Variants in ARHGAP45 observed in about 807,000 individuals in gnomAD.
ARHGAP45 encodes Rho GTPase activating protein 45.
Under a neutral mutation model 116.1 loss-of-function variants are expected in ARHGAP45, and 56 were observed. That is an observed-to-expected ratio of 0.48 (90% CI 0.39 to 0.60). The LOEUF is 0.60. ARHGAP45 is among the 20% of genes least tolerant of loss of function. The probability of loss-of-function intolerance (pLI) is 0.00; values close to 1 mark genes in which losing one functional copy is unlikely to be tolerated. For synonymous variants in ARHGAP45, 866 were observed against 701.7 expected, an observed-to-expected ratio of 1.23 and a Z score of -3.70; for missense variants, 1,622 against 1,601.0, an observed-to-expected ratio of 1.01 and a Z score of -0.22.
Position 1,068,839 on chromosome 19 carries a change from G to T in ARHGAP45, c.421+95G>T. 8.1e-7 allele frequency: 1 copy of T among 1,230,260 alleles called. No individual in the cohort carries two copies. Among genetic ancestry groups the T allele is most frequent in the Non-Finnish European group, 1.2e-6 (1 of 857,944 alleles). 76.2% of individuals were successfully genotyped at this position (1,230,260 alleles called of 1,614,324 possible). On this transcript the variant is annotated intron_variant, in intron 2 of 22. Coordinates refer to ENST00000313093, the MANE Select transcript of ARHGAP45 (RefSeq NM_012292.5). The surrounding 1 kb of genome is among the most constrained non-coding windows in gnomAD (Gnocchi z 7.5). The stretch of plus-strand genomic sequence containing the variant: ...GACTTGGGGAGGCTCAGAAGGGAGG[G>T]AGGCTCAGATGGCAGGGAGGGCTGT...
intron 10 of ARHGAP45, 183 bp from the exon 11 acceptor site, chr19:1,077,674 C>A (rs2043290189): frequency 6.2e-6 from 9 of 1,459,668 alleles, no homozygotes; most frequent in Non-Finnish European, 8.2e-6. Flanking sequence ...ACGTGAGCCA[C>A]CGCGCCCGGC....
In ARHGAP45 at chr19:1,086,104, C is replaced by A; in HGVS notation, c.*98C>A. 4 of 1,141,794 alleles carry A rather than the reference C, an allele frequency of 3.5e-6. No individual in the cohort carries two copies. The highest frequency in any genetic ancestry group is 5.0e-6 in the Non-Finnish European group (4 of 805,430). 70.7% of individuals were successfully genotyped at this position (1,141,794 alleles called of 1,614,324 possible). On this transcript the variant is annotated 3_prime_UTR_variant, in exon 23 of 23. Coordinates refer to ENST00000313093, the MANE Select transcript of ARHGAP45 (RefSeq NM_012292.5). The stretch of plus-strand genomic sequence containing the variant: ...CACGGCATAGCTTAGGTGCGCCGTC[C>A]TGGGGTCGCTGCCGAGAGCGCCTGG...
intron 10 of ARHGAP45, 77 bp from the exon 11 acceptor site, chr19:1,077,780 G>C (rs762215016): frequency 1.3e-6 from 2 of 1,546,176 alleles, no homozygotes; most frequent in Non-Finnish European, 1.7e-6. Flanking sequence ...GGGGTGGGGA[G>C]GAAAGGAGGA....
In ARHGAP45 at chr19:1,085,980, A is replaced by C. The variant is rs1329966443; in HGVS notation, c.3385A>C (p.Arg1129=). 10 of 1,612,430 alleles carry C rather than the reference A, an allele frequency of 6.2e-6. No individual in the cohort carries two copies. Among genetic ancestry groups the C allele is most frequent in the African/African-American group, 1.3e-5 (1 of 74,908 alleles). Residue 1129 remains arginine, a synonymous_variant, in exon 23 of 23, where the codon AGG becomes CGG. Transcript: ENST00000313093. The stretch of plus-strand genomic sequence containing the variant: ...CGGGCGGATGACACTGGGCTCCTGC[A>C]GGGAAAGGCAGCCGGAATTCGTGTG... The part of the protein sequence containing the change: ...RGGRMTLGSC[R]ERQPEFV
At chr19:1,067,917 T>C (rs910675141) in intron 1 of ARHGAP45, among the ~76,000 whole-genome samples, 5 of 102,052 alleles carry the variant, frequency 4.9e-5, no homozygotes, top group South Asian at 6.9e-4. Flanking sequence ...GGTTCAGAGG[T>C]TGGGGAGTGT....
rs371482854 is a variant in ARHGAP45 at position 1,078,418 on chromosome 19, T to C, written c.1374+373T>C. Among the ~76,000 whole-genome samples the C allele has an allele frequency of 1.7e-3, 254 of 146,902 alleles. 1 individual carries two copies. The highest frequency in any genetic ancestry group is 5.2e-3 in the African/African-American group (206 of 39,706). Reference sequence around the variant, plus strand: ...TCGGCCTCCCAAAGTGCTGGGATTATAGGCATGAGCCACTGCGCCCGGCCA... The same window carrying C: ...TCGGCCTCCCAAAGTGCTGGGATTACAGGCATGAGCCACTGCGCCCGGCCA... On this transcript the variant is annotated intron_variant, in intron 11 of 22. Coordinates refer to ENST00000313093, the MANE Select transcript of ARHGAP45 (RefSeq NM_012292.5).
intron 22 of ARHGAP45, 84 bp downstream of exon 22, chr19:1,084,430 C>G (rs1452918495): frequency 9.5e-7 from 1 of 1,049,568 alleles, no homozygotes; most frequent in Non-Finnish European, 1.4e-6. Flanking sequence ...TAGTTGTACA[C>G]ACGTGGCAGG....
rs749966750 is a variant in ARHGAP45 at position 1,073,527 on chromosome 19, A to G, written c.587A>G (p.Asn196Ser). Residue 196 changes from asparagine (N) to serine (S), a missense_variant, in exon 4 of 23, where the codon AAT becomes AGT. Asn to Ser is a conservative substitution (Grantham distance 46). Coordinates refer to ENST00000313093, the MANE Select transcript of ARHGAP45 (RefSeq NM_012292.5). ...CCAGCCTTCCATTATGAGAGCAACA[A>G]TGATCTGGAGAAACAGGAGTTCGAG... ...KVKAFHYESN[N>S]DLEKQEFEKA... 1 of 1,613,882 alleles carries G rather than the reference A, an allele frequency of 6.2e-7. No individual in the cohort carries two copies. Among genetic ancestry groups the G allele is most frequent in the Admixed American group, 1.7e-5 (1 of 60,000 alleles).
At position 1,069,941 on chromosome 19, in the gene ARHGAP45, C is replaced by T. The variant is rs544448899; in HGVS notation, c.421+1197C>T. ...AAGCCATCCTCCTACCTCTGCCTCC[C>T]GAGTACCTGAGACTACAGGCATGAG... is the stretch of plus-strand genomic sequence containing the variant. On this transcript the variant is annotated intron_variant, in intron 2 of 22. Transcript: ENST00000313093. This position sits in a 1 kb window ranked among gnomAD's most constrained non-coding sequence, Gnocchi z 4.1. Among the ~76,000 whole-genome samples, 1 of 152,126 alleles carries T rather than the reference C, an allele frequency of 6.6e-6. No individual in the cohort carries two copies. The highest frequency in any genetic ancestry group is 1.9e-4 in the East Asian group (1 of 5,184).
At chr19:1,067,524 C>G in intron 1 of ARHGAP45, 29 bp downstream of exon 1, 1 of 1,560,404 alleles carries the variant, frequency 6.4e-7, no homozygotes, top group Non-Finnish European at 8.7e-7. Flanking sequence ...AGACCCGGAG[C>G]TGACGCCGGG....
intron 22 of ARHGAP45, 119 bp from the exon 23 acceptor site, chr19:1,085,541 G>GTCTCTCCCCATCTCTCCTT: frequency 9.0e-6 from 6 of 666,466 alleles, no homozygotes; most frequent in Non-Finnish European, 1.5e-5. Context: ...CATCTCTCCT[G>GTCTCTCCCCATCTCTCCTT]TCTCTCCATC....
Position 1,082,926 on chromosome 19 carries a change from G to T in ARHGAP45, c.2604G>T (p.Lys868Asn), listed in dbSNP as rs1392479914. The T allele has an allele frequency of 1.3e-6, 2 of 1,591,754 alleles. No homozygotes were observed. Among genetic ancestry groups the T allele is most frequent in the South Asian group, 2.3e-5 (2 of 88,436 alleles). Residue 868 changes from lysine to asparagine, a missense_variant, in exon 20 of 23, where the codon AAG (lysine) becomes AAT (asparagine). Around this residue, in one of 3 missense-constraint regions of ARHGAP45, gnomAD observed 1,334 missense variants for 1,263.8 expected, o/e 1.06. Coordinates refer to ENST00000313093, the MANE Select transcript of ARHGAP45 (RefSeq NM_012292.5). The stretch of plus-strand genomic sequence containing the variant: ...GCCTGAAGGCAGAGGCCGAGGCCAA[G>T]GCGGCGTCCCGGGGCCGGCAGGACG... ...KDSLKAEAEA[K>N]AASRGRQDGS...
At position 1,083,309 on chromosome 19, in the gene ARHGAP45, G is replaced by A. The variant is rs972271366; in HGVS notation, c.2911G>A (p.Gly971Ser). ...RVIETLIVHY[G>S]LVFEEEPEET... ...CATCGAGACTCTCATCGTCCACTACGGCCTGGTCTTCGAGGAGGAGCCGGA... is the reference window on the plus strand; with the variant it reads ...CATCGAGACTCTCATCGTCCACTACAGCCTGGTCTTCGAGGAGGAGCCGGA... Residue 971 changes from glycine to serine, a missense_variant, in exon 21 of 23, where the codon GGC becomes AGC. By Grantham distance (56) the Gly-to-Ser change is moderately conservative. Coordinates refer to ENST00000313093, the MANE Select transcript of ARHGAP45 (RefSeq NM_012292.5). 1.5e-5 allele frequency: 24 copies of A among 1,572,958 alleles called. No homozygotes were observed. Among genetic ancestry groups the A allele is most frequent in the East Asian group, 4.7e-5 (2 of 42,888 alleles).
chr19:1,081,585 G>A lies in ARHGAP45; in HGVS notation c.2226G>A (p.Thr742=), dbSNP rs866668484. Reference sequence around the variant, plus strand: ...CCTGCCACAAGAAATGTCTGGAGACGCTGGCCATACAGTGCGGGCACAAGA... The same window carrying A: ...CCTGCCACAAGAAATGTCTGGAGACACTGGCCATACAGTGCGGGCACAAGA... ...CLACHKKCLE[T]LAIQCGHKKL... The change falls in exon 18 of 23, where the codon ACG becomes ACA. Residue 742 remains threonine (T), a synonymous_variant. Transcript: ENST00000313093. 5.3e-6 allele frequency: 8 copies of A among 1,506,740 alleles called. 1 individual carries two copies. The Middle Eastern group carries it at 7.2e-4, about 135-fold the overall frequency. The allele number at this position is 1,506,740 out of a possible 1,614,324, so 93.3% of individuals were successfully genotyped here.
At chr19:1,070,631 G>A (rs1159025959) in intron 2 of ARHGAP45, among the ~76,000 whole-genome samples, 1 of 151,866 alleles carries the variant, frequency 6.6e-6, no homozygotes, top group African/African-American at 2.4e-5. Context: ...ACAGGCGTGA[G>A]CCATCGCGCC....
chr19:1,079,664 G>C (rs778386326), intron 11 of ARHGAP45, 39 bp from the exon 12 acceptor site: 1 of 1,608,462 alleles, frequency 6.2e-7, no homozygotes. Context: ...CTGCACCCCG[G>C]GCTGAGGCCT....
chr19:1,078,947 G>A (rs1450696965), intron 11 of ARHGAP45, among the ~76,000 whole-genome samples: 11 of 151,776 alleles, frequency 7.2e-5, no homozygotes, highest in African/African-American at 2.7e-4. Flanking sequence ...TTGGGAGGCC[G>A]AGGCAGGTGG....
In ARHGAP45 at chr19:1,083,261, G is replaced by T. The variant is rs1475547142; in HGVS notation, c.2863G>T (p.Asp955Tyr). The change falls in exon 21 of 23, where the codon GAT becomes TAT. Residue 955 changes from aspartate (D) to tyrosine (Y), a missense_variant. By Grantham distance (160) the Asp-to-Tyr change is radical (BLOSUM62 -3). Around this residue, in one of 3 missense-constraint regions of ARHGAP45, gnomAD observed 1,334 missense variants for 1,263.8 expected, o/e 1.06. Transcript: ENST00000313093. ...CACCGTGTCCCTCTCCTCCCTGGTG[G>T]ATTATCCCCATCAGGCCCGCGTCAT... ...EATVSLSSLV[D>Y]YPHQARVIET... is the part of the protein sequence containing the mutation. 6.2e-7 allele frequency: 1 copy of T among 1,602,018 alleles called. No individual in the cohort carries two copies. The highest frequency in any genetic ancestry group is 8.5e-7 in the Non-Finnish European group (1 of 1,174,530).
intron 1 of ARHGAP45, 22 bp downstream of exon 1, chr19:1,067,517 C>A: frequency 1.3e-6 from 2 of 1,576,126 alleles, no homozygotes; most frequent in Non-Finnish European, 1.7e-6. Context: ...CCGGGTGAGA[C>A]CCGGAGCTGA....
Sources: gnomAD v4.1 joint callset for allele counts (sites outside exome capture counted in the v4.1 genomes callset) on GRCh38, gnomAD v4.1.1 for gene constraint, gnomAD v4.1.1 regional missense constraint, Gnocchi (gnomAD v3.1) non-coding constraint, MANE v1.5 for transcripts, NCBI Gene and HGNC (gene_info 2026-07-23, HGNC 2026-07-21) for gene names.